Variants in NBAS observed in about 807,000 individuals in gnomAD.
The protein encoded by NBAS is NAG/BC035112 fusion.
A neutral mutation model predicts 302.5 loss-of-function variants in NBAS; 219 were observed. The observed-to-expected ratio is 0.72, with a 90% CI of 0.65 to 0.81. The LOEUF is 0.81. Ranked by LOEUF, NBAS falls within the 30% of genes least tolerant of loss-of-function variation. The pLI, the probability that NBAS is intolerant of heterozygous loss-of-function variation, is 0.00. For missense variants in NBAS, 2,932 were observed against 2,841.6 expected, an observed-to-expected ratio of 1.03 and a Z score of -0.72; for synonymous variants, 1,118 against 1,021.6, an observed-to-expected ratio of 1.09 and a Z score of -1.80.
the NBAS span, among the ~76,000 whole-genome samples, chr2:14,875,104 G>A: frequency 1.3e-5 from 2 of 151,936 alleles, no homozygotes; most frequent in African/African-American, 4.8e-5. Context: ...ATACAATCTC[G>A]CCACTTCACT....
chr2:15,450,026 A>C (rs989654995), intron 21 of NBAS, among the ~76,000 whole-genome samples: 17 of 152,326 alleles, frequency 1.1e-4, no homozygotes, highest in Admixed American at 3.3e-4. Context: ...GCAATGCCCT[A>C]ATCTTTCCAT....
At chr2:15,527,033 T>A (rs1662942349) in intron 9 of NBAS, among the ~76,000 whole-genome samples, 1 of 131,674 alleles carries the variant, frequency 7.6e-6, no homozygotes, top group Admixed American at 7.6e-5. Context: ...CAGTATGAAA[T>A]AAACAATCAA....
the NBAS span, among the ~76,000 whole-genome samples, chr2:15,128,953 G>C: frequency 2.0e-5 from 3 of 152,218 alleles, no homozygotes; most frequent in African/African-American, 7.2e-5. Context: ...AGGAACTGTG[G>C]AGATAGAGGG....
At chr2:15,508,085 G>A (rs1661958510) in intron 10 of NBAS, among the ~76,000 whole-genome samples, 1 of 152,170 alleles carries the variant, frequency 6.6e-6, no homozygotes, top group Admixed American at 6.5e-5. Context: ...GGTAAGGGAA[G>A]GCTATGCAGA....
At chr2:14,887,628 T>C in the NBAS span, among the ~76,000 whole-genome samples, 2 of 152,124 alleles carry the variant, frequency 1.3e-5, no homozygotes, top group South Asian at 2.1e-4. Context: ...CTAAGTCTCA[T>C]CTGTTTTAGG....
intron 31 of NBAS, among the ~76,000 whole-genome samples, chr2:15,367,093 C>T (rs981388310): frequency 6.6e-6 from 1 of 152,142 alleles, no homozygotes. Context: ...ATTCCTTGCT[C>T]TAAATATACA....
intron 38 of NBAS, among the ~76,000 whole-genome samples, chr2:15,323,855 C>CA (rs1671936435): frequency 7.0e-6 from 1 of 141,996 alleles, no homozygotes; most frequent in Non-Finnish European, 1.5e-5. Context: ...AACAAAAAAA[C>CA]AAAAAACAAA....
intron 6 of NBAS, among the ~76,000 whole-genome samples, chr2:15,543,244 A>G (rs1454662713): frequency 1.1e-4 from 16 of 152,086 alleles, no homozygotes; most frequent in Admixed American, 7.2e-4. Flanking sequence ...TTCCCATCTC[A>G]CAGCTTTTGT....
chr2:14,972,353 C>G, the NBAS span, among the ~76,000 whole-genome samples: 4 of 151,986 alleles, frequency 2.6e-5, no homozygotes, highest in African/African-American at 9.7e-5. Flanking sequence ...GTGCAGCAAA[C>G]CACCATGGCA....
the NBAS span, among the ~76,000 whole-genome samples, chr2:14,997,156 T>C: frequency 6.6e-6 from 1 of 151,844 alleles, no homozygotes; most frequent in Non-Finnish European, 1.5e-5. Context: ...TACTTGAGGA[T>C]GGAGGGAGAG....
intron 44 of NBAS, among the ~76,000 whole-genome samples, chr2:15,245,508 T>C (rs1002501470): frequency 3.9e-5 from 6 of 152,152 alleles, no homozygotes; most frequent in Non-Finnish European, 8.8e-5. Flanking sequence ...TTCCTCCTAA[T>C]TGACATACTG....
At chr2:15,386,466 T>A (rs1275207707) in intron 28 of NBAS, among the ~76,000 whole-genome samples, 1 of 152,220 alleles carries the variant, frequency 6.6e-6, no homozygotes, top group African/African-American at 2.4e-5. Flanking sequence ...TGCCCTTGCT[T>A]AATTCTACTC....
At chr2:15,141,934 T>G in the NBAS span, among the ~76,000 whole-genome samples, 313 of 152,320 alleles carry the variant, frequency 2.1e-3, 1 homozygote, top group Middle Eastern at 3.4e-3. Context: ...AGAGAAATAA[T>G]GAGCTCTTGA....
At chr2:15,003,584 G>T in the NBAS span, among the ~76,000 whole-genome samples, 2 of 152,296 alleles carry the variant, frequency 1.3e-5, no homozygotes, top group South Asian at 4.1e-4. Flanking sequence ...ACTAGGGGAG[G>T]TCTCTCATTC....
intron 6 of NBAS, among the ~76,000 whole-genome samples, chr2:15,540,217 G>A (rs1663738971): frequency 6.6e-6 from 1 of 152,060 alleles, no homozygotes; most frequent in Non-Finnish European, 1.5e-5. Context: ...GAGACTCAAG[G>A]TGTCACCTTG....
chr2:14,933,376 T>C, the NBAS span, among the ~76,000 whole-genome samples: 1 of 152,146 alleles, frequency 6.6e-6, no homozygotes, highest in African/African-American at 2.4e-5. Context: ...TAAGCAAAGA[T>C]AAACAGCTGC....
At position 15,205,013 on chromosome 2, in the gene NBAS, A is replaced by C. The variant is rs147480734; in HGVS notation, c.6432+13760T>G. Among the ~76,000 whole-genome samples the C allele has an allele frequency of 1.7e-3, 266 of 152,284 alleles. 2 individuals are homozygous for C. Among genetic ancestry groups the C allele is most frequent in the African/African-American group, 5.9e-3 (246 of 41,560 alleles). On this transcript the variant is annotated intron_variant, in intron 48 of 51. Transcript: ENST00000281513. ...TCCTAGAACTTAAACTATAATAATA[A>C]AAAATAAAAAAATTAAAAAAAGAAG...
chr2:15,267,178 A>G (rs1045059513), intron 44 of NBAS, among the ~76,000 whole-genome samples: 6 of 152,238 alleles, frequency 3.9e-5, no homozygotes, highest in Admixed American at 1.3e-4. Context: ...TAGTTCATTC[A>G]ATATGCATGC....
At chr2:15,393,130 T>C (rs951099012) in intron 28 of NBAS, among the ~76,000 whole-genome samples, 6 of 151,832 alleles carry the variant, frequency 4.0e-5, no homozygotes, top group Non-Finnish European at 8.8e-5. Context: ...AAATGTAAAA[T>C]GTAAAACCAA....
Sources: gnomAD v4.1 joint callset for allele counts (sites outside exome capture counted in the v4.1 genomes callset) on GRCh38, gnomAD v4.1.1 for gene constraint, MANE v1.5 for transcripts, NCBI Gene and HGNC (gene_info 2026-07-23, HGNC 2026-07-21) for gene names.